Variants in VSIG1 observed in about 807,000 individuals in gnomAD.
The protein encoded by VSIG1 is V-set and immunoglobulin domain-containing protein 1.
In VSIG1, 11 loss-of-function variants were observed where a neutral mutation model predicts 20.1. That is an observed-to-expected ratio of 0.55 (90% CI 0.34 to 0.91). VSIG1 has a LOEUF of 0.91. Ranked by LOEUF, VSIG1 falls within the 40% of genes least tolerant of loss-of-function variation. The pLI, the probability that VSIG1 is intolerant of heterozygous loss-of-function variation, is 0.02. For synonymous variants in VSIG1, 126 were observed against 116.7 expected (o/e 1.08, Z -0.52); for missense variants, 283 against 298.8 (o/e 0.95, Z 0.39).
At chrX:108,048,995 C>T (rs1159434704) in intron 1 of VSIG1, among the ~76,000 whole-genome samples, 1 of 112,183 alleles carries the variant, frequency 8.9e-6, no homozygotes, top group Non-Finnish European at 1.9e-5. Flanking sequence ...AGCTCTGAAG[C>T]ATATCATCAC....
the VSIG1 span, among the ~76,000 whole-genome samples, chrX:108,033,865 G>T: frequency 9.1e-6 from 1 of 110,386 alleles, no homozygotes; most frequent in Non-Finnish European, 1.9e-5. Flanking sequence ...GGGCTCTGAA[G>T]AAATAGTTAA....
intron 2 of VSIG1, among the ~76,000 whole-genome samples, chrX:108,066,204 G>A (rs1189193483): frequency 1.8e-5 from 2 of 111,539 alleles, no homozygotes; most frequent in Non-Finnish European, 3.8e-5. Context: ...AATCTCTCTG[G>A]GTCTGAGATG....
At chrX:108,060,813 T>G (rs1245725457) in intron 2 of VSIG1, among the ~76,000 whole-genome samples, 2 of 112,594 alleles carry the variant, frequency 1.8e-5, no homozygotes, top group Non-Finnish European at 3.8e-5. Context: ...CGAAGCCTTC[T>G]ACCCAGTAAG....
At chrX:108,065,384 G>A (rs148827172) in intron 2 of VSIG1, among the ~76,000 whole-genome samples, 4 of 111,518 alleles carry the variant, frequency 3.6e-5, no homozygotes, top group Non-Finnish European at 5.7e-5. Flanking sequence ...GTAAACTGAG[G>A]GAAGTGAATT....
At chrX:108,073,402 C>T in intron 5 of VSIG1, 33 bp downstream of exon 5, 1 of 1,202,140 alleles carries the variant, frequency 8.3e-7, no homozygotes, top group African/African-American at 1.7e-5. Context: ...ACGGTTTCTC[C>T]TTAAATCAAG....
the VSIG1 span, among the ~76,000 whole-genome samples, chrX:108,038,606 A>C: frequency 1.2e-4 from 14 of 112,623 alleles, no homozygotes; most frequent in Non-Finnish European, 2.4e-4. Context: ...CTTGGAACCA[A>C]CCCAAATGTC....
intron 1 of VSIG1, among the ~76,000 whole-genome samples, chrX:108,046,504 C>T (rs1024853908): frequency 2.7e-5 from 3 of 110,800 alleles, no homozygotes; most frequent in Non-Finnish European, 5.7e-5. Flanking sequence ...TATGTGAAGC[C>T]TTGCCCTGGC....
At chrX:108,057,525 A>G (rs1323357064) in intron 1 of VSIG1, among the ~76,000 whole-genome samples, 1 of 112,289 alleles carries the variant, frequency 8.9e-6, no homozygotes, top group Non-Finnish European at 1.9e-5. Flanking sequence ...TGTACATGAG[A>G]TCTGTCTTAT....
chrX:108,067,543 C>T (rs2031157699), intron 3 of VSIG1, among the ~76,000 whole-genome samples: 1 of 112,205 alleles, frequency 8.9e-6, no homozygotes, highest in African/African-American at 3.2e-5. Flanking sequence ...AAGCTCGACA[C>T]AATTCCCACC....
chrX:108,056,076 C>A (rs1007845994), intron 1 of VSIG1, among the ~76,000 whole-genome samples: 1 of 111,456 alleles, frequency 9.0e-6, no homozygotes, highest in African/African-American at 3.3e-5. Context: ...CCTCCCTCTC[C>A]GTTTTCTTAT....
Position 108,067,101 on chromosome X carries a change from C to CA in VSIG1, c.383dup (p.Asn128LysfsTer15). On this transcript the variant is annotated frameshift_variant, in exon 3 of 7. Coordinates refer to ENST00000217957, the MANE Select transcript of VSIG1 (RefSeq NM_182607.5). LOFTEE classifies it high-confidence loss of function. ...TAACAACCCCCCAGACTTTCTCGGC[C>CA]AAAACCAAGGCATCCTCAACGTCAG... 1.7e-6 allele frequency: 2 copies of CA among 1,211,450 alleles called. No individual in the cohort carries two copies. The highest frequency in any genetic ancestry group is 1.1e-6 in the Non-Finnish European group (1 of 895,363).
At chrX:108,056,708 G>T (rs771850187) in intron 1 of VSIG1, among the ~76,000 whole-genome samples, 3 of 112,717 alleles carry the variant, frequency 2.7e-5, no homozygotes, top group South Asian at 3.6e-4. Flanking sequence ...TGCCAGAATG[G>T]CTAGAGTAGA....
chrX:108,075,669 A>G (rs1373446075), intron 5 of VSIG1, among the ~76,000 whole-genome samples: 2 of 111,252 alleles, frequency 1.8e-5, no homozygotes, highest in East Asian at 2.8e-4. Flanking sequence ...ACCAGAGTGC[A>G]TGAGGTTCCT....
Position 108,047,959 on chromosome X carries a change from CACATATATATATATAT to C in VSIG1, c.49+2782_49+2797del, listed in dbSNP as rs1159530832. Among the ~76,000 whole-genome samples the C allele has an allele frequency of 4.9e-3, 72 of 14,806 alleles. 5 individuals carry two copies. In the East Asian group the frequency reaches 0.061, roughly 13 times the overall value. 12.9% of individuals were successfully genotyped at this position (14,806 alleles called of 115,157 possible). On this transcript the variant is annotated intron_variant, in intron 1 of 6. Transcript: ENST00000217957. ...ACACATATATATATATATATACACA[CACATATATATATATAT>C]ATATATATATATATATATATATATA...
chrX:108,018,919 A>T, the VSIG1 span, among the ~76,000 whole-genome samples: 1 of 111,380 alleles, frequency 9.0e-6, no homozygotes, highest in East Asian at 2.8e-4. Flanking sequence ...CGGTGCACTG[A>T]GTGCTCCTGT....
At chrX:108,043,599 T>C (rs889256572), upstream of VSIG1, among the ~76,000 whole-genome samples, 11 of 111,899 alleles carry the variant, frequency 9.8e-5, no homozygotes, top group African/African-American at 3.2e-4. Context: ...GCTAAGAATA[T>C]ACTTGGCTAG....
the VSIG1 span, among the ~76,000 whole-genome samples, chrX:108,035,774 CG>C: frequency 9.1e-6 from 1 of 109,928 alleles, no homozygotes; most frequent in South Asian, 4.0e-4. Flanking sequence ...CCAGCAAGAG[CG>C]TGACCCTGGG....
At chrX:108,074,011 A>G (rs1454004003) in intron 5 of VSIG1, among the ~76,000 whole-genome samples, 1 of 111,708 alleles carries the variant, frequency 9.0e-6, no homozygotes, top group Non-Finnish European at 1.9e-5. Flanking sequence ...GAAGGTGCTT[A>G]CTCACTCTCT....
intron 1 of VSIG1, among the ~76,000 whole-genome samples, chrX:108,046,028 T>C (rs1168583027): frequency 9.0e-6 from 1 of 111,369 alleles, no homozygotes. Context: ...TGCACACATA[T>C]GCCTAGAATA....
Sources: gnomAD v4.1 joint callset for allele counts (sites outside exome capture counted in the v4.1 genomes callset) on GRCh38, gnomAD v4.1.1 for gene constraint, MANE v1.5 for transcripts, NCBI Gene and HGNC (gene_info 2026-07-23, HGNC 2026-07-21) for gene names.